The following PRR35 variants were observed in gnomAD, a reference collection of about 807,000 sequenced individuals.
PRR35 encodes the protein proline rich 35, also known as proline-rich protein 35.
A neutral mutation model predicts 18.6 loss-of-function variants in PRR35; 14 were observed. The observed-to-expected ratio is 0.75, with a 90% CI of 0.50 to 1.18. The LOEUF is 1.18. Ranked by LOEUF, PRR35 falls within the 50% of genes most tolerant of loss-of-function variation. The pLI, the probability that PRR35 is intolerant of heterozygous loss-of-function variation, is 0.00. For missense variants in PRR35, 832 were observed against 792.2 expected, an observed-to-expected ratio of 1.05 and a Z score of -0.60; for synonymous variants, 425 against 378.2, an observed-to-expected ratio of 1.12 and a Z score of -1.43.
chr16:560,351 C>T, upstream of PRR35: 1 of 981,952 alleles, frequency 1.0e-6, no homozygotes, highest in Non-Finnish European at 1.2e-6. Flanking sequence ...CAGCGCCCCC[C>T]GGAGCCCGGA....
intron 1 of PRR35, among the ~76,000 whole-genome samples, chr16:560,934 CGG>C (rs59225364): frequency 9.2e-5 from 12 of 131,056 alleles, no homozygotes; most frequent in African/African-American, 2.0e-4. Flanking sequence ...CCTGCGTTCC[CGG>C]GGGGGGGGGC....
In PRR35 at chr16:564,739, C is replaced by T; in HGVS notation, c.1148C>T (p.Pro383Leu). 7 of 1,535,290 alleles carry T rather than the reference C, an allele frequency of 4.6e-6. No homozygotes were observed. The highest frequency in any genetic ancestry group is 6.1e-6 in the Non-Finnish European group (7 of 1,146,924). ...EDGDPGGPET[P>L]GPEGPLPLQP... The stretch of plus-strand genomic sequence containing the variant: ...GGGGATCCAGGCGGCCCTGAGACCC[C>T]CGGCCCTGAGGGCCCCCTCCCCCTG... Residue 383 changes from proline (P) to leucine (L), a missense_variant, in exon 3 of 3, where the codon CCC (proline) becomes CTC (leucine). Around this residue, in one of 3 missense-constraint regions of PRR35, gnomAD observed 768 missense variants for 704.1 expected, o/e 1.09. Coordinates refer to ENST00000409413, the MANE Select transcript of PRR35 (RefSeq NM_145270.3).
intron 2 of PRR35, 133 bp from the exon 3 acceptor site, chr16:564,541 G>T: frequency 7.2e-7 from 1 of 1,390,710 alleles, no homozygotes; most frequent in East Asian, 2.5e-5. Context: ...AGCCAGCGCG[G>T]GGGTCCTCGG....
chr16:561,812 G>A, intron 1 of PRR35: 2 of 984,960 alleles, frequency 2.0e-6, no homozygotes, highest in South Asian at 4.7e-5. Context: ...GTGTGTCCTG[G>A]GGAGTCGGTG....
In PRR35 at chr16:563,752, G is replaced by A. The variant is rs2035482484; in HGVS notation, c.458G>A (p.Gly153Asp). 2.4e-5 allele frequency: 37 copies of A among 1,510,232 alleles called. No individual in the cohort carries two copies. Among genetic ancestry groups the A allele is most frequent in the Non-Finnish European group, 3.1e-5 (35 of 1,130,898 alleles). The allele number at this position is 1,510,232 out of a possible 1,614,324, so 93.6% of individuals were successfully genotyped here. A position where few individuals can be genotyped will look rare whatever the true frequency, so the allele number is the denominator to read the frequency against. ...PVARATRKGP[G>D]PSGLLPESWK... is the part of the protein sequence containing the mutation. Reference sequence around the variant, plus strand: ...GCTAGGGCCACCCGGAAGGGTCCCGGCCCCAGTGGGCTCCTGCCTGAGTCG... The same window carrying A: ...GCTAGGGCCACCCGGAAGGGTCCCGACCCCAGTGGGCTCCTGCCTGAGTCG... The change falls in exon 2 of 3, where the codon GGC (glycine) becomes GAC (aspartate). Residue 153 changes from glycine (G) to aspartate (D), a missense_variant. By Grantham distance (94) the Gly-to-Asp change is moderately conservative (BLOSUM62 -1). Coordinates refer to ENST00000409413, the MANE Select transcript of PRR35 (RefSeq NM_145270.3).
intron 1 of PRR35, among the ~76,000 whole-genome samples, chr16:561,020 GC>G (rs907851223): frequency 6.6e-6 from 1 of 151,484 alleles, no homozygotes; most frequent in South Asian, 2.1e-4. Context: ...GGGTGCCTGT[GC>G]CCCCCGTGCC....
Position 564,705 on chromosome 16 carries a change from C to A in PRR35, c.1114C>A (p.Pro372Thr). ...CACCGGCTCCTCTGTGATGCTGTGG[C>A]CTGAGGACGGGGATCCAGGCGGCCC... is the stretch of plus-strand genomic sequence containing the variant. ...LPTGSSVMLWPEDGDPGGPET... is the reference protein window; with the variant it reads ...LPTGSSVMLWTEDGDPGGPET... The change falls in exon 3 of 3, where the codon CCT (proline) becomes ACT (threonine). Residue 372 changes from proline (P) to threonine (T), a missense_variant. Physicochemically the swap from Pro to Thr is conservative, Grantham distance 38. Transcript: ENST00000409413. The A allele has an allele frequency of 6.5e-7, 1 of 1,533,348 alleles. No individual in the cohort carries two copies. The highest frequency in any genetic ancestry group is 8.7e-7 in the Non-Finnish European group (1 of 1,146,194). 95.0% of individuals were successfully genotyped at this position (1,533,348 alleles called of 1,614,324 possible). A position where few individuals can be genotyped will look rare whatever the true frequency, so the allele number is the denominator to read the frequency against.
chr16:563,190 A>C, intron 1 of PRR35, 66 bp from the exon 2 acceptor site: 3 of 1,380,310 alleles, frequency 2.2e-6, no homozygotes, highest in Non-Finnish European at 1.9e-6. Flanking sequence ...CTGGGGAGCC[A>C]TGGATGGAGA....
intron 1 of PRR35, among the ~76,000 whole-genome samples, chr16:561,023 C>A (rs900743088): frequency 6.6e-5 from 10 of 151,514 alleles, no homozygotes; most frequent in Non-Finnish European, 1.0e-4. Flanking sequence ...TGCCTGTGCC[C>A]CCCGTGCCAC....
rs2035416857 is a variant in PRR35, at chr16:560,641, TCCGC to T, written c.-59_-56del. 7 of 980,898 alleles carry T rather than the reference TCCGC, an allele frequency of 7.1e-6. No individual in the cohort carries two copies. The South Asian group carries it at 3.3e-4, about 46-fold the overall frequency. 60.8% of individuals were successfully genotyped at this position (980,898 alleles called of 1,614,324 possible). The stretch of plus-strand genomic sequence containing the variant: ...CACGCGGCCTCGCAGACTTGGCGGC[TCCGC>T]TCCCGGCCGGGCGCAGGTAGGAGCG... On this transcript the variant is annotated 5_prime_UTR_variant, in exon 1 of 3. Coordinates refer to ENST00000409413, the MANE Select transcript of PRR35 (RefSeq NM_145270.3).
chr16:562,220 G>A (rs531971979), intron 1 of PRR35, among the ~76,000 whole-genome samples: 3 of 152,334 alleles, frequency 2.0e-5, no homozygotes, highest in South Asian at 4.1e-4. Context: ...GAGTGTGGCC[G>A]CTGCAGGCTC....
intron 1 of PRR35, chr16:561,600 A>C: frequency 2.7e-6 from 1 of 373,750 alleles, no homozygotes; most frequent in African/African-American, 2.2e-5. Context: ...CCAGCTGGTC[A>C]GCCTCTGCCT....
intron 2 of PRR35, 62 bp from the exon 3 acceptor site, chr16:564,612 G>A: frequency 3.4e-6 from 5 of 1,453,888 alleles, no homozygotes; most frequent in Non-Finnish European, 3.6e-6. Context: ...TGAGGGGAGA[G>A]GGGCAGGGGC....
Position 564,075 on chromosome 16 carries a change from GC to G in PRR35, c.787del (p.Arg263AlafsTer40). 4.5e-6 allele frequency: 7 copies of G among 1,544,400 alleles called. No individual in the cohort carries two copies. Among genetic ancestry groups the G allele is most frequent in the Non-Finnish European group, 6.1e-6 (7 of 1,150,564 alleles). On this transcript the variant is annotated frameshift_variant, in exon 2 of 3. Transcript: ENST00000409413. LOFTEE classifies it high-confidence loss of function. ...GCAGCCCCCTCAGCGCCCCACCCCG[GC>G]CCCCCGCCTGTACTACCCGCTGCTT... ...AVQPPQRPTP[A>X]PRLYYPLLLE... is the part of the protein sequence containing the mutation.
Position 563,642 on chromosome 16 carries a change from C to CGTGG in PRR35, c.349_352dup (p.Val118GlyfsTer30), listed in dbSNP as rs779170652. The CGTGG allele has an allele frequency of 5.7e-6, 9 of 1,577,548 alleles. No homozygotes were observed. Among genetic ancestry groups the CGTGG allele is most frequent in the Non-Finnish European group, 7.7e-6 (9 of 1,168,640 alleles). ...CAGGTGCTGCCCCCGCGCCTGACCT[C>CGTGG]GTGGTCGCCGACATCCACTCCCTGC... On this transcript the variant is annotated frameshift_variant, in exon 2 of 3. Transcript: ENST00000409413. LOFTEE classifies it high-confidence loss of function.
At chr16:561,036 G>A (rs1428679048) in intron 1 of PRR35, among the ~76,000 whole-genome samples, 1 of 150,658 alleles carries the variant, frequency 6.6e-6, no homozygotes, top group African/African-American at 2.5e-5. Flanking sequence ...CGTGCCACCG[G>A]TTCTCCCCCA....
Position 563,556 on chromosome 16 carries a change from C to G in PRR35, c.262C>G (p.Pro88Ala), listed in dbSNP as rs1174598906. ...RGSTTPRPHA[P>A]TPDRPGESDP... ...CTCCACCACGCCTAGGCCCCACGCA[C>G]CCACCCCAGACCGCCCTGGGGAGTC... Residue 88 changes from proline (P) to alanine (A), a missense_variant, in exon 2 of 3, where the codon CCC becomes GCC. By Grantham distance (27) the Pro-to-Ala change is conservative (BLOSUM62 -1). Around this residue, in one of 3 missense-constraint regions of PRR35, gnomAD observed 768 missense variants for 704.1 expected, o/e 1.09. Coordinates refer to ENST00000409413, the MANE Select transcript of PRR35 (RefSeq NM_145270.3). The G allele has an allele frequency of 6.2e-7, 1 of 1,609,292 alleles. No homozygotes were observed. The highest frequency in any genetic ancestry group is 1.3e-5 in the African/African-American group (1 of 74,846).
intron 1 of PRR35, among the ~76,000 whole-genome samples, chr16:561,549 C>T (rs558468883): frequency 6.6e-6 from 1 of 152,348 alleles, no homozygotes; most frequent in South Asian, 2.1e-4. Context: ...TCTCCTGGCC[C>T]AGCCCCTGCC....
intron 1 of PRR35, among the ~76,000 whole-genome samples, chr16:561,116 C>G (rs1320557076): frequency 6.6e-6 from 1 of 152,130 alleles, no homozygotes; most frequent in African/African-American, 2.4e-5. Flanking sequence ...GCTGGCTGCC[C>G]CGGGAGCGAT....
Sources: gnomAD v4.1 joint callset for allele counts (sites outside exome capture counted in the v4.1 genomes callset) on GRCh38, gnomAD v4.1.1 for gene constraint, gnomAD v4.1.1 regional missense constraint, MANE v1.5 for transcripts, NCBI Gene and HGNC (gene_info 2026-07-23, HGNC 2026-07-21) for gene names.